The following COX6C variants were observed in gnomAD, a reference collection of about 807,000 sequenced individuals.
COX6C encodes the protein cytochrome c oxidase polypeptide VIc.
Under a neutral mutation model 6.9 loss-of-function variants are expected in COX6C, and 3 were observed. The observed-to-expected ratio is 0.43, with a 90% CI of 0.20 to 1.12. The LOEUF is 1.12. Among genes scored for constraint, COX6C ranks in the 50% most tolerant of loss-of-function variants. The probability of loss-of-function intolerance (pLI) is 0.27; values close to 1 mark genes in which losing one functional copy is unlikely to be tolerated. For synonymous variants in COX6C, 32 were observed against 32.0 expected (o/e 1.00, Z 0.00); for missense variants, 101 against 97.3 (o/e 1.04, Z -0.16).
rs141372629 is a variant in COX6C, at chr8:99,888,368, G to T, written c.115-750C>A. ...GGGGCGAATCACAAGGTCAGGAATTGGAGACCAGCCTGGCCAACATGATGA... is the reference window on the plus strand; with the variant it reads ...GGGGCGAATCACAAGGTCAGGAATTTGAGACCAGCCTGGCCAACATGATGA... On this transcript the variant is annotated intron_variant, in intron 2 of 3. Coordinates refer to ENST00000520468, the MANE Select transcript of COX6C (RefSeq NM_004374.4). Among the ~76,000 whole-genome samples the T allele has an allele frequency of 1.4e-4, 22 of 152,038 alleles. No individual in the cohort carries two copies. In the South Asian group the frequency reaches 4.4e-3, roughly 30 times the overall value.
At chr8:99,889,297 C>G (rs1817996781) in intron 2 of COX6C, among the ~76,000 whole-genome samples, 1 of 149,018 alleles carries the variant, frequency 6.7e-6, no homozygotes, top group Non-Finnish European at 1.5e-5. Flanking sequence ...TTCTCCCTAA[C>G]TTTTTTTTTT....
intron 3 of COX6C, among the ~76,000 whole-genome samples, chr8:99,881,005 G>C (rs1817853801): frequency 6.6e-6 from 1 of 152,168 alleles, no homozygotes; most frequent in Non-Finnish European, 1.5e-5. Context: ...ACACTAGTCA[G>C]TAACTCAAAG....
chr8:99,880,828 C>CT lies in COX6C; in HGVS notation c.*16-2564dup, dbSNP rs533270649. ...CCCAGAAGAGAAAAAGGGCAGAGAG[C>CT]TTAAAAAAACAAACAAAACACCTGT... On this transcript the variant is annotated intron_variant, in intron 3 of 3. Transcript: ENST00000520468. Among the ~76,000 whole-genome samples the CT allele has an allele frequency of 2.0e-5, 3 of 151,936 alleles. No homozygotes were observed. In the South Asian group the frequency reaches 6.2e-4, roughly 32 times the overall value.
chr8:99,878,158 A>G lies in COX6C; in HGVS notation c.*123T>C, dbSNP rs1817779807. ...GACTTACTGTCCAAAGTATTTGTTAATTGTTTATTTATCAAGAGGAACTAT... is the reference window on the plus strand; with the variant it reads ...GACTTACTGTCCAAAGTATTTGTTAGTTGTTTATTTATCAAGAGGAACTAT... On this transcript the variant is annotated 3_prime_UTR_variant, in exon 4 of 4. Transcript: ENST00000520468. 1 of 152,216 alleles carries G rather than the reference A, an allele frequency of 6.6e-6. No individual in the cohort carries two copies. The highest frequency in any genetic ancestry group is 2.1e-4 in the South Asian group (1 of 4,830). 9.4% of individuals were successfully genotyped at this position (152,216 alleles called of 1,614,324 possible).
At position 99,891,493 on chromosome 8, in the gene COX6C, G is replaced by T. The variant is rs150529891; in HGVS notation, c.114+415C>A. Among the ~76,000 whole-genome samples the T allele has an allele frequency of 4.0e-4, 61 of 152,050 alleles. 1 individual carries two copies. The highest frequency in any genetic ancestry group is 3.4e-3 in the Middle Eastern group (1 of 294). The stretch of plus-strand genomic sequence containing the variant: ...CTGTTTCAAAGAAAGAAAAAGGAAA[G>T]AAGGAAAGAAAATGAAAAGAAGGGC... On this transcript the variant is annotated intron_variant, in intron 2 of 3. Transcript: ENST00000520468.
intron 2 of COX6C, among the ~76,000 whole-genome samples, chr8:99,888,312 C>T (rs1476216343): frequency 6.6e-6 from 1 of 152,068 alleles, no homozygotes; most frequent in African/African-American, 2.4e-5. Flanking sequence ...GTGGCTCATG[C>T]CTACAATCCC....
chr8:99,887,941 A>T (rs1420917293), intron 2 of COX6C, among the ~76,000 whole-genome samples: 2 of 151,572 alleles, frequency 1.3e-5, no homozygotes, highest in Non-Finnish European at 2.9e-5. Context: ...GTGACTTATT[A>T]TTTTTTTTAA....
intron 3 of COX6C, among the ~76,000 whole-genome samples, chr8:99,882,721 GGAGT>G (rs1817882386): frequency 6.6e-6 from 1 of 151,672 alleles, no homozygotes; most frequent in African/African-American, 2.4e-5. Flanking sequence ...GATCTAAAAA[GGAGT>G]GAGAATGCTA....
intron 3 of COX6C, among the ~76,000 whole-genome samples, chr8:99,880,693 C>T (rs1021855948): frequency 1.3e-5 from 2 of 151,034 alleles, no homozygotes; most frequent in African/African-American, 4.9e-5. Flanking sequence ...ATGGTGAGAC[C>T]CCATCTCTAT....
intron 2 of COX6C, among the ~76,000 whole-genome samples, chr8:99,890,339 A>G (rs894879728): frequency 2.6e-5 from 4 of 152,148 alleles, no homozygotes; most frequent in African/African-American, 9.7e-5. Flanking sequence ...GTGAACCACA[A>G]CATCCCCCAA....
intron 3 of COX6C, among the ~76,000 whole-genome samples, chr8:99,883,780 A>C (rs1181366757): frequency 6.6e-6 from 1 of 152,218 alleles, no homozygotes; most frequent in African/African-American, 2.4e-5. Flanking sequence ...AACACTAGCA[A>C]ACCAGATTTG....
intron 2 of COX6C, among the ~76,000 whole-genome samples, chr8:99,888,966 C>A (rs35935983): frequency 6.6e-6 from 1 of 152,058 alleles, no homozygotes; most frequent in Non-Finnish European, 1.5e-5. Context: ...TTAGCAGGAC[C>A]CCCTCTTGCT....
intron 1 of COX6C, among the ~76,000 whole-genome samples, chr8:99,892,737 A>T (rs1241568206): frequency 6.6e-6 from 1 of 151,148 alleles, no homozygotes; most frequent in Non-Finnish European, 1.5e-5. Flanking sequence ...ACTGCGGCAC[A>T]CTAGTAATGG....
At chr8:99,891,057 G>C (rs893111307) in intron 2 of COX6C, among the ~76,000 whole-genome samples, 2 of 152,224 alleles carry the variant, frequency 1.3e-5, no homozygotes, top group Non-Finnish European at 2.9e-5. Context: ...GGATAGAGGG[G>C]CAGCTATGCT....
intron 3 of COX6C, among the ~76,000 whole-genome samples, chr8:99,879,469 T>A (rs1443202234): frequency 6.6e-6 from 1 of 152,214 alleles, no homozygotes; most frequent in African/African-American, 2.4e-5. Flanking sequence ...AGTAGTTTCA[T>A]GTCAGCAAGA....
chr8:99,888,339 A>G (rs1356348077), intron 2 of COX6C, among the ~76,000 whole-genome samples: 3 of 152,008 alleles, frequency 2.0e-5, no homozygotes, highest in East Asian at 3.9e-4. Flanking sequence ...TTGGGAGGCC[A>G]AGGGGGGCGA....
At chr8:99,893,541 C>G (rs1411650777) in intron 1 of COX6C, 98 bp downstream of exon 1, 1 of 152,386 alleles carries the variant, frequency 6.6e-6, no homozygotes, top group African/African-American at 2.4e-5. Context: ...GGCGGAGACA[C>G]ACAGTCACGA....
intron 3 of COX6C, chr8:99,886,400 A>T (rs563660534): frequency 6.6e-6 from 1 of 152,214 alleles, no homozygotes; most frequent in Non-Finnish European, 1.5e-5. Flanking sequence ...AAAAAAAATT[A>T]ACAAGTGTTG....
chr8:99,891,634 G>A (rs1818033987), intron 2 of COX6C, among the ~76,000 whole-genome samples: 1 of 152,144 alleles, frequency 6.6e-6, no homozygotes, highest in Non-Finnish European at 1.5e-5. Flanking sequence ...AGCCAACAGA[G>A]GCCTCAGAAG....
Sources: gnomAD v4.1 joint callset for allele counts (sites outside exome capture counted in the v4.1 genomes callset) on GRCh38, gnomAD v4.1.1 for gene constraint, MANE v1.5 for transcripts, NCBI Gene and HGNC (gene_info 2026-07-23, HGNC 2026-07-21) for gene names.